The following ST3GAL2 variants were observed in gnomAD, a reference collection of about 807,000 sequenced individuals.
The protein encoded by ST3GAL2 is CMP-N-acetylneuraminate-beta-galactosamide-alpha-2,3-sialyltransferase 2.
In ST3GAL2, 16 loss-of-function variants were observed where a neutral mutation model predicts 37.5. The observed-to-expected ratio is 0.43, with a 90% CI of 0.29 to 0.65. The LOEUF (loss-of-function observed/expected upper bound fraction) is 0.65. Ranked by LOEUF, ST3GAL2 falls within the 30% of genes least tolerant of loss-of-function variation. The pLI, the probability that ST3GAL2 is intolerant of heterozygous loss-of-function variation, is 0.17. For synonymous variants in ST3GAL2, 238 were observed against 202.9 expected, an observed-to-expected ratio of 1.17 and a Z score of -1.47; for missense variants, 383 against 487.8, an observed-to-expected ratio of 0.79 and a Z score of 2.02.
intron 3 of ST3GAL2, among the ~76,000 whole-genome samples, chr16:70,389,832 G>A (rs1483653321): frequency 6.6e-6 from 1 of 151,592 alleles, no homozygotes; most frequent in African/African-American, 2.4e-5. Context: ...TGTCGCCCAG[G>A]CTGGAGTGCA....
Position 70,379,796 on chromosome 16 carries a change from A to AT in ST3GAL2, c.*1892dup, listed in dbSNP as rs11438171. 44,331 of 138,008 alleles carry AT rather than the reference A, an allele frequency of 0.32. 7,842 individuals carry two copies. The highest frequency in any genetic ancestry group is 0.4 in the Non-Finnish European group (25,962 of 64,202). The allele number at this position is 138,008 out of a possible 1,614,324, so 8.5% of individuals were successfully genotyped here. Reference sequence around the variant, plus strand: ...ACCACTGCGCCTGGCTAATTTTTGTATTTTTTTTTTTTTTTGGTAGAGACG... The same window carrying AT: ...ACCACTGCGCCTGGCTAATTTTTGTATTTTTTTTTTTTTTTTGGTAGAGACG... On this transcript the variant is annotated 3_prime_UTR_variant, in exon 7 of 7. Coordinates refer to ENST00000342907, the MANE Select transcript of ST3GAL2 (RefSeq NM_006927.4).
intron 1 of ST3GAL2, chr16:70,400,114 C>G (rs2047545432): frequency 6.6e-6 from 1 of 152,534 alleles, no homozygotes; most frequent in African/African-American, 2.4e-5. Flanking sequence ...GGTTGCTGGG[C>G]TTGGTCCTGC....
At chr16:70,419,208 G>A (rs72790695) in intron 1 of ST3GAL2, among the ~76,000 whole-genome samples, 8,084 of 152,292 alleles carry the variant, frequency 0.053, 281 homozygotes, top group Middle Eastern at 0.12. Flanking sequence ...CTAAGCTAGG[G>A]TGCCTGCAAG....
intron 1 of ST3GAL2, among the ~76,000 whole-genome samples, chr16:70,429,844 T>C (rs570166945): frequency 1.3e-5 from 2 of 151,986 alleles, no homozygotes; most frequent in Admixed American, 6.5e-5. Flanking sequence ...GGTTTTGCCA[T>C]ATTGGCCAGG....
intron 1 of ST3GAL2, among the ~76,000 whole-genome samples, chr16:70,413,397 C>CA (rs2047652704): frequency 1.3e-5 from 2 of 151,618 alleles, no homozygotes; most frequent in African/African-American, 2.4e-5. Flanking sequence ...GCCTGGGCAA[C>CA]AGAGTGAGAC....
intron 6 of ST3GAL2, 107 bp downstream of exon 6, chr16:70,382,698 G>A: frequency 6.5e-7 from 1 of 1,534,908 alleles, no homozygotes; most frequent in East Asian, 2.3e-5. Context: ...AGGCCACATG[G>A]ATTCTGCCTA....
intron 1 of ST3GAL2, among the ~76,000 whole-genome samples, chr16:70,433,992 C>T (rs532414201): frequency 1.3e-5 from 2 of 152,332 alleles, no homozygotes; most frequent in African/African-American, 2.4e-5. Context: ...AATGCCTTTT[C>T]TGAGCTCCCT....
intron 1 of ST3GAL2, among the ~76,000 whole-genome samples, chr16:70,413,236 G>A (rs1185259708): frequency 6.8e-6 from 1 of 147,990 alleles, no homozygotes; most frequent in Admixed American, 6.7e-5. Flanking sequence ...GGCAACAAGA[G>A]TGAAACTCTG....
intron 1 of ST3GAL2, among the ~76,000 whole-genome samples, chr16:70,406,946 G>C (rs1030549486): frequency 1.3e-5 from 2 of 152,186 alleles, no homozygotes; most frequent in African/African-American, 2.4e-5. Context: ...AGCAGCACGA[G>C]ATGATGGCAT....
intron 1 of ST3GAL2, among the ~76,000 whole-genome samples, chr16:70,437,131 A>G (rs1259771553): frequency 6.6e-6 from 1 of 152,146 alleles, no homozygotes; most frequent in Non-Finnish European, 1.5e-5. Flanking sequence ...TTGCACTCCA[A>G]AAGTTCCCAG....
At chr16:70,387,570 T>TA (rs917214484) in intron 4 of ST3GAL2, among the ~76,000 whole-genome samples, 1 of 151,574 alleles carries the variant, frequency 6.6e-6, no homozygotes, top group African/African-American at 2.4e-5. Flanking sequence ...AAAATAAAAT[T>TA]AAAAAAAATT....
intron 1 of ST3GAL2, among the ~76,000 whole-genome samples, chr16:70,407,423 G>A (rs559508818): frequency 6.6e-6 from 1 of 152,222 alleles, no homozygotes; most frequent in Non-Finnish European, 1.5e-5. Flanking sequence ...TTACAGGTGT[G>A]AGCCACTGTG....
At chr16:70,426,318 C>G (rs1022043476) in intron 1 of ST3GAL2, among the ~76,000 whole-genome samples, 4 of 145,216 alleles carry the variant, frequency 2.8e-5, no homozygotes, top group Admixed American at 2.1e-4. Flanking sequence ...CTCAGCCTCC[C>G]GAGTAGCTGG....
intron 4 of ST3GAL2, among the ~76,000 whole-genome samples, chr16:70,384,877 C>T (rs1200239277): frequency 1.3e-5 from 2 of 151,770 alleles, no homozygotes; most frequent in African/African-American, 4.8e-5. Context: ...GGTATGGTGG[C>T]CCATGCCTGT....
rs749227121 is a variant in ST3GAL2 at position 70,394,996 on chromosome 16, G to A, written c.519C>T (p.His173=). The change falls in exon 3 of 7, where the codon CAC becomes CAT. Residue 173 remains histidine, a synonymous_variant. Coordinates refer to ENST00000342907, the MANE Select transcript of ST3GAL2 (RefSeq NM_006927.4). ...GSGYGQDVDG[H]NFIMRMNQAP... is the part of the protein sequence containing the mutation. ...CAGGGGCTCACCTCATGATGAAGTT[G>A]TGCCCGTCCACGTCCTGCCCATAGC... 6.2e-7 allele frequency: 1 copy of A among 1,613,274 alleles called. No homozygotes were observed.
At chr16:70,389,139 G>A (rs1010272248) in intron 3 of ST3GAL2, among the ~76,000 whole-genome samples, 1 of 126,976 alleles carries the variant, frequency 7.9e-6, no homozygotes, top group Admixed American at 9.3e-5. Context: ...CAGCACTTTG[G>A]GAGGCCGAGG....
intron 4 of ST3GAL2, among the ~76,000 whole-genome samples, chr16:70,383,960 C>T (rs2047424208): frequency 6.6e-6 from 1 of 151,988 alleles, no homozygotes; most frequent in Non-Finnish European, 1.5e-5. Flanking sequence ...TCCACCATGT[C>T]TCTGCTCTCA....
chr16:70,424,532 T>C (rs536965214), intron 1 of ST3GAL2, among the ~76,000 whole-genome samples: 2 of 150,500 alleles, frequency 1.3e-5, no homozygotes, highest in African/African-American at 4.9e-5. Flanking sequence ...ACCCGGGAGG[T>C]GGAGGTCGCG....
In ST3GAL2 at chr16:70,382,743, C is replaced by T. The variant is rs893953263; in HGVS notation, c.879+62G>A. 27 of 1,604,932 alleles carry T rather than the reference C, an allele frequency of 1.7e-5. No individual in the cohort carries two copies. The African/African-American group carries it at 2.5e-4, about 15-fold the overall frequency. On this transcript the variant is annotated intron_variant, in intron 6 of 6. Transcript: ENST00000342907. Reference sequence around the variant, plus strand: ...ATTCCTCTGTTAGCCTGCTAAGACCCGAGAAGGCCTGCACTCCTCTGTTCC... The same window carrying T: ...ATTCCTCTGTTAGCCTGCTAAGACCTGAGAAGGCCTGCACTCCTCTGTTCC...
Sources: allele counts gnomAD v4.1 joint callset (sites outside exome capture counted in the v4.1 genomes callset), GRCh38; gene constraint gnomAD v4.1.1; transcripts MANE v1.5; gene names NCBI Gene and HGNC (gene_info 2026-07-23, HGNC 2026-07-21).